Variants in UACA observed in about 807,000 individuals in gnomAD.
UACA encodes the protein nuclear membrane binding protein.
A neutral mutation model predicts 160.5 loss-of-function variants in UACA; 112 were observed. The observed-to-expected ratio is 0.70, with a 90% CI of 0.60 to 0.82. The LOEUF (loss-of-function observed/expected upper bound fraction) is 0.82, where lower values mean the gene tolerates loss of function less well. Ranked by LOEUF, UACA falls within the 40% of genes least tolerant of loss-of-function variation. UACA has a pLI of 0.00. For missense variants in UACA, 1,574 were observed against 1,614.6 expected, an observed-to-expected ratio of 0.97 and a Z score of 0.43; for synonymous variants, 557 against 568.4, an observed-to-expected ratio of 0.98 and a Z score of 0.29.
intron 1 of UACA, among the ~76,000 whole-genome samples, chr15:70,709,986 T>G (rs1898634194): frequency 6.6e-6 from 1 of 152,148 alleles, no homozygotes; most frequent in Non-Finnish European, 1.5e-5. Context: ...TTTAAAAATC[T>G]AATGAGGCAG....
Position 70,667,675 on chromosome 15 carries a change from T to C in UACA, c.3009A>G (p.Lys1003=). 1.2e-6 allele frequency: 2 copies of C among 1,613,572 alleles called. No individual in the cohort carries two copies. The highest frequency in any genetic ancestry group is 1.7e-6 in the Non-Finnish European group (2 of 1,179,908). Residue 1003 remains lysine (K), a synonymous_variant, in exon 16 of 19, where the codon AAA becomes AAG. Coordinates refer to ENST00000322954, the MANE Select transcript of UACA (RefSeq NM_018003.4). ...ECERKFKATE[K]ELKDQLSEQT... ...GCTCTGATAACTGGTCTTTTAGTTC[T>C]TTCTCTGTTGCTTTAAATTTTCTCT...
chr15:70,744,242 C>CT (rs1340780500), intron 1 of UACA, among the ~76,000 whole-genome samples: 2 of 121,536 alleles, frequency 1.6e-5, no homozygotes, highest in East Asian at 4.5e-4. Flanking sequence ...GAGCAAGACT[C>CT]TGTCTCAAAA....
chr15:70,703,148 G>T (rs998688624), intron 1 of UACA: 1 of 1,289,024 alleles, frequency 7.8e-7, no homozygotes, highest in Non-Finnish European at 1.0e-6. Context: ...TACCAAGGCC[G>T]GTGCAAATTC....
intron 17 of UACA, chr15:70,660,524 C>T (rs113865632): frequency 2.5e-5 from 7 of 285,414 alleles, no homozygotes; most frequent in East Asian, 7.1e-5. Flanking sequence ...TTATTGCAAA[C>T]GCTTCCCATC....
At chr15:70,677,163 A>G (rs1395233949) in intron 11 of UACA, 23 bp from the exon 12 acceptor site, 5 of 1,574,460 alleles carry the variant, frequency 3.2e-6, no homozygotes, top group Non-Finnish European at 4.3e-6. Flanking sequence ...AGAACACAAA[A>G]TATTTTAATT....
At chr15:70,719,127 A>C (rs1206401122) in intron 1 of UACA, among the ~76,000 whole-genome samples, 2 of 151,600 alleles carry the variant, frequency 1.3e-5, no homozygotes, top group African/African-American at 4.9e-5. Flanking sequence ...GAAGGAGAAG[A>C]GAAGAGAACA....
chr15:70,747,164 TC>T (rs1899731589), intron 1 of UACA, among the ~76,000 whole-genome samples: 1 of 152,040 alleles, frequency 6.6e-6, no homozygotes, highest in Admixed American at 6.6e-5. Flanking sequence ...TTTACACTGT[TC>T]CATCTCACTT....
chr15:70,724,295 A>G (rs981424393), intron 1 of UACA, among the ~76,000 whole-genome samples: 1 of 152,232 alleles, frequency 6.6e-6, no homozygotes, highest in African/African-American at 2.4e-5. Flanking sequence ...ACTATGCTCC[A>G]TATTTCTTCT....
At chr15:70,686,756 A>G (rs1897739273) in intron 7 of UACA, among the ~76,000 whole-genome samples, 2 of 152,196 alleles carry the variant, frequency 1.3e-5, no homozygotes, top group Admixed American at 1.3e-4. Context: ...AAATTAAGTC[A>G]AAAGAAACCA....
intron 1 of UACA, among the ~76,000 whole-genome samples, chr15:70,738,113 A>G (rs1899423940): frequency 6.6e-6 from 1 of 152,228 alleles, no homozygotes; most frequent in South Asian, 2.1e-4. Flanking sequence ...TTTCTTAAGT[A>G]AAAGACTATA....
In UACA at chr15:70,669,183, C is replaced by A. The variant is rs1426982968; in HGVS notation, c.1501G>T (p.Asp501Tyr). 6.8e-6 allele frequency: 11 copies of A among 1,614,016 alleles called. No individual in the cohort carries two copies. The East Asian group carries it at 2.5e-4, about 36-fold the overall frequency. Residue 501 changes from aspartate (D) to tyrosine (Y), a missense_variant, in exon 16 of 19, where the codon GAT (aspartate) becomes TAT (tyrosine). By Grantham distance (160) the Asp-to-Tyr change is radical (BLOSUM62 -3). Coordinates refer to ENST00000322954, the MANE Select transcript of UACA (RefSeq NM_018003.4). ...GACTCATACATCCTCTTCTGCACAT[C>A]TTTTAATGCATCTTCTAATTGCTTT... is the stretch of plus-strand genomic sequence containing the variant. ...QIKQLEDALK[D>Y]VQKRMYESEG...
intron 16 of UACA, 100 bp downstream of exon 16, chr15:70,666,624 C>A: frequency 1.0e-6 from 1 of 977,110 alleles, no homozygotes; most frequent in Non-Finnish European, 1.4e-6. Context: ...GAAAGGGTCA[C>A]TTTGTTAATA....
chr15:70,687,603 G>C lies in UACA; in HGVS notation c.539C>G (p.Pro180Arg). ...PLVLATQMSR[P>R]TICQLLIDRG... Reference sequence around the variant, plus strand: ...ATCTATCAGCAGTTGACATATTGTTGGCCTACTCATCTGAGTAGCCAGAAC... The same window carrying C: ...ATCTATCAGCAGTTGACATATTGTTCGCCTACTCATCTGAGTAGCCAGAAC... The change falls in exon 7 of 19, where the codon CCA becomes CGA. Residue 180 changes from proline to arginine, a missense_variant. Physicochemically the swap from Pro to Arg is moderately radical, Grantham distance 103. Transcript: ENST00000322954. 1 of 1,613,818 alleles carries C rather than the reference G, an allele frequency of 6.2e-7. No homozygotes were observed. The highest frequency in any genetic ancestry group is 8.5e-7 in the Non-Finnish European group (1 of 1,179,846).
At chr15:70,703,408 T>G in intron 1 of UACA, 1 of 509,854 alleles carries the variant, frequency 2.0e-6, no homozygotes. Flanking sequence ...ATTTACAACA[T>G]TAGGCCCATA....
At chr15:70,752,991 C>G (rs1291743282) in intron 1 of UACA, among the ~76,000 whole-genome samples, 2 of 152,134 alleles carry the variant, frequency 1.3e-5, no homozygotes, top group African/African-American at 4.8e-5. Flanking sequence ...AGCCAAGAAC[C>G]TTAATGTATC....
chr15:70,702,870 C>T (rs1898414217), intron 1 of UACA, among the ~76,000 whole-genome samples: 1 of 152,170 alleles, frequency 6.6e-6, no homozygotes, highest in Admixed American at 6.5e-5. Flanking sequence ...CATAGTGATG[C>T]ATACTTTTCA....
intron 2 of UACA, among the ~76,000 whole-genome samples, chr15:70,695,493 T>C (rs1458055270): frequency 2.0e-5 from 3 of 152,234 alleles, no homozygotes; most frequent in African/African-American, 7.2e-5. Flanking sequence ...CATTATTTTA[T>C]TTAGTTTAGC....
chr15:70,708,341 AG>A (rs1898579472), intron 1 of UACA, among the ~76,000 whole-genome samples: 3 of 152,228 alleles, frequency 2.0e-5, no homozygotes, highest in Non-Finnish European at 4.4e-5. Flanking sequence ...TTTAAAGATC[AG>A]TTGCATAACA....
chr15:70,685,941 A>G (rs888732662), intron 7 of UACA, among the ~76,000 whole-genome samples: 1 of 151,952 alleles, frequency 6.6e-6, no homozygotes, highest in Non-Finnish European at 1.5e-5. Context: ...CACCTAGCTA[A>G]TTTTTGTATT....
Sources: allele counts gnomAD v4.1 joint callset (sites outside exome capture counted in the v4.1 genomes callset), GRCh38; gene constraint gnomAD v4.1.1; transcripts MANE v1.5; gene names NCBI Gene and HGNC (gene_info 2026-07-23, HGNC 2026-07-21).